NAALADL2: variants seen among roughly 807,000 people sequenced by gnomAD.
The protein encoded by NAALADL2 is inactive N-acetylated-alpha-linked acidic dipeptidase-like protein 2.
Under a neutral mutation model 87.2 loss-of-function variants are expected in NAALADL2, and 76 were observed. The ratio of observed to expected loss-of-function variants is 0.87; its 90% confidence interval spans 0.72 to 1.05. NAALADL2 has a LOEUF of 1.05. NAALADL2 is among the 50% of genes least tolerant of loss of function. The pLI, the probability that NAALADL2 is intolerant of heterozygous loss-of-function variation, is 0.00. For missense variants in NAALADL2, 1,089 were observed against 945.8 expected, an observed-to-expected ratio of 1.15 and a Z score of -1.99; for synonymous variants, 354 against 331.0, an observed-to-expected ratio of 1.07 and a Z score of -0.75.
intron 9 of NAALADL2, among the ~76,000 whole-genome samples, chr3:175,551,037 C>G (rs549604010): frequency 6.6e-6 from 1 of 152,104 alleles, no homozygotes; most frequent in Non-Finnish European, 1.5e-5. Context: ...TTATCAAAAT[C>G]CATTTGGAGT....
intron 2 of NAALADL2, among the ~76,000 whole-genome samples, chr3:175,207,299 G>A (rs2109226896): frequency 6.6e-6 from 1 of 152,042 alleles, no homozygotes; most frequent in African/African-American, 2.4e-5. Context: ...AACCACAGGT[G>A]TGTAAAGAAA....
intron 3 of NAALADL2, among the ~76,000 whole-genome samples, chr3:174,845,487 G>A (rs1291214781): frequency 1.3e-5 from 2 of 152,148 alleles, no homozygotes; most frequent in Admixed American, 6.5e-5. Context: ...TCTCTGGTAG[G>A]GCAAGACCAT....
intron 4 of NAALADL2, among the ~76,000 whole-genome samples, chr3:175,321,875 G>A (rs1285921142): frequency 3.7e-5 from 5 of 135,394 alleles, no homozygotes; most frequent in Non-Finnish European, 7.9e-5. Context: ...ATGCTCATGG[G>A]TAGGAAGAAT....
At chr3:174,577,679 A>T (rs369329122) in intron 2 of NAALADL2, among the ~76,000 whole-genome samples, 12 of 152,228 alleles carry the variant, frequency 7.9e-5, no homozygotes, top group African/African-American at 2.4e-4. Flanking sequence ...TCAGAGGATG[A>T]TAATAGAATC....
intron 1 of NAALADL2, among the ~76,000 whole-genome samples, chr3:174,479,505 C>T (rs908978623): frequency 6.6e-6 from 1 of 152,090 alleles, no homozygotes; most frequent in Non-Finnish European, 1.5e-5. Context: ...ATCCATACCT[C>T]TTATCCATTA....
At chr3:175,591,970 T>C (rs1721549572) in intron 10 of NAALADL2, among the ~76,000 whole-genome samples, 1 of 151,864 alleles carries the variant, frequency 6.6e-6, no homozygotes, top group South Asian at 2.1e-4. Flanking sequence ...TATCAAATGA[T>C]AAATCAGAGA....
intron 2 of NAALADL2, among the ~76,000 whole-genome samples, chr3:175,099,033 T>G (rs181323784): frequency 1.1e-3 from 160 of 152,230 alleles, no homozygotes; most frequent in African/African-American, 3.8e-3. Context: ...TATAGGAACT[T>G]CATAACATGC....
Position 175,234,077 on chromosome 3 carries a change from T to C in NAALADL2, c.692T>C (p.Val231Ala). The C allele has an allele frequency of 1.9e-6, 3 of 1,613,922 alleles. No homozygotes were observed. The highest frequency in any genetic ancestry group is 1.7e-6 in the Non-Finnish European group (2 of 1,179,848). The change falls in exon 3 of 14, where the codon GTG becomes GCG. Residue 231 changes from valine (V) to alanine (A), a missense_variant. Transcript: ENST00000454872. ...LDLPGPSPST[V>A]TLSSSGQCFH... Reference sequence around the variant, plus strand: ...CTGCCAGGCCCTTCTCCCAGCACTGTGACTCTGAGCAGCAGTGGTCAATGC... The same window carrying C: ...CTGCCAGGCCCTTCTCCCAGCACTGCGACTCTGAGCAGCAGTGGTCAATGC...
intron 9 of NAALADL2, chr3:175,487,581 A>G: frequency 2.2e-6 from 1 of 454,762 alleles, no homozygotes; most frequent in Admixed American, 2.4e-5. Flanking sequence ...CAGAGCTCTT[A>G]TATGAAGAGA....
At chr3:175,059,715 A>G in intron 1 of NAALADL2, 1 of 309,012 alleles carries the variant, frequency 3.2e-6, no homozygotes, top group South Asian at 3.4e-5. Flanking sequence ...TCCTTATCAG[A>G]TCCAAGGAGA....
intron 11 of NAALADL2, among the ~76,000 whole-genome samples, chr3:175,706,770 C>T (rs748736423): frequency 1.6e-4 from 24 of 152,206 alleles, no homozygotes; most frequent in Admixed American, 3.9e-4. Context: ...TGAGAGACTG[C>T]TCACCATCAA....
At chr3:175,093,615 A>G (rs1720580197) in intron 1 of NAALADL2, among the ~76,000 whole-genome samples, 1 of 150,232 alleles carries the variant, frequency 6.7e-6, no homozygotes, top group Non-Finnish European at 1.5e-5. Flanking sequence ...TAAGACATAT[A>G]TAATTGATTT....
chr3:174,778,261 G>T (rs1285361570), intron 3 of NAALADL2, among the ~76,000 whole-genome samples: 3 of 152,006 alleles, frequency 2.0e-5, no homozygotes, highest in Non-Finnish European at 2.9e-5. Context: ...GCTTGGTCAA[G>T]ATAAAACTTC....
At chr3:175,670,161 C>G (rs1733742269) in intron 11 of NAALADL2, among the ~76,000 whole-genome samples, 1 of 151,670 alleles carries the variant, frequency 6.6e-6, no homozygotes, top group Non-Finnish European at 1.5e-5. Context: ...GTAACTTGCC[C>G]AAGGCAATAG....
At position 174,760,986 on chromosome 3, in the gene NAALADL2, G is replaced by A. The variant is rs577898935; in HGVS notation, c.-9+23240G>A. ...TTTAATTCCTAATGATCCCCACACAGCTGATGCAGTACACAAGGATTATTC... is the reference window on the plus strand; with the variant it reads ...TTTAATTCCTAATGATCCCCACACAACTGATGCAGTACACAAGGATTATTC... On this transcript the variant is annotated intron_variant, in intron 3 of 3. Transcript: ENST00000434257. 1.8e-4 allele frequency among the ~76,000 whole-genome samples: 28 copies of A among 152,276 alleles called. 1 individual carries two copies. The South Asian group carries it at 5.6e-3, about 30-fold the overall frequency.
chr3:175,343,653 A>ATTTTTTTTTTTTTTT (rs1581504166), intron 5 of NAALADL2, among the ~76,000 whole-genome samples: 5 of 52,256 alleles, frequency 9.6e-5, no homozygotes, highest in East Asian at 1.4e-3. Context: ...TGTCTTGATC[A>ATTTTTTTTTTTTTTT]TGTTTTTTTT....
intron 1 of NAALADL2, chr3:174,536,796 A>G (rs1721763731): frequency 6.6e-6 from 1 of 152,172 alleles, no homozygotes; most frequent in Non-Finnish European, 1.5e-5. Context: ...TAGCATCCAG[A>G]TGTCAATTGT....
At chr3:175,140,288 C>G (rs1467480530) in intron 2 of NAALADL2, among the ~76,000 whole-genome samples, 1 of 152,118 alleles carries the variant, frequency 6.6e-6, no homozygotes, top group East Asian at 1.9e-4. Context: ...TTTAAATAAA[C>G]ACTGAGTACC....
intron 4 of NAALADL2, among the ~76,000 whole-genome samples, chr3:175,275,803 T>C (rs1753506326): frequency 6.6e-6 from 1 of 151,416 alleles, no homozygotes; most frequent in Non-Finnish European, 1.5e-5. Context: ...TACCCAGGCA[T>C]CCAACAAAAA....
Sources: gnomAD v4.1 joint callset for allele counts (sites outside exome capture counted in the v4.1 genomes callset) on GRCh38, gnomAD v4.1.1 for gene constraint, MANE v1.5 for transcripts, NCBI Gene and HGNC (gene_info 2026-07-23, HGNC 2026-07-21) for gene names.